LRIF1: variants seen among roughly 807,000 people sequenced by gnomAD.
The protein encoded by LRIF1 is ligand-dependent nuclear receptor-interacting factor 1.
LRIF1 carries 32 observed loss-of-function variants against 52.7 expected under a neutral mutation model. The ratio of observed to expected loss-of-function variants is 0.61; its 90% CI spans 0.46 to 0.82. LRIF1 has a LOEUF of 0.82. LRIF1 is among the 40% of genes least tolerant of loss of function. The probability of loss-of-function intolerance (pLI) is 0.00; values close to 1 mark genes in which losing one functional copy is unlikely to be tolerated. For missense variants in LRIF1, 887 were observed against 892.0 expected (o/e 0.99, Z 0.07); for synonymous variants, 323 against 317.4 (o/e 1.02, Z -0.19).
chr1:110,888,526 T>C, the LRIF1 span, among the ~76,000 whole-genome samples: 1 of 152,210 alleles, frequency 6.6e-6, no homozygotes, highest in Non-Finnish European at 1.5e-5. Flanking sequence ...ACCATTATTT[T>C]ATAGTCTACA....
chr1:110,909,767 G>A, the LRIF1 span, among the ~76,000 whole-genome samples: 103 of 151,936 alleles, frequency 6.8e-4, no homozygotes, highest in African/African-American at 2.4e-3. Flanking sequence ...TTTTAATAGT[G>A]ACGGGGTTTC....
At chr1:110,902,495 T>TAAAAAAAAAAAAA in the LRIF1 span, among the ~76,000 whole-genome samples, 53 of 72,618 alleles carry the variant, frequency 7.3e-4, no homozygotes, top group East Asian at 2.2e-3. Context: ...AATCAATCAC[T>TAAAAAAAAAAAAA]AAAAAAAAAA....
Position 110,947,776 on chromosome 1 carries a change from GTAAAT to G in LRIF1, c.*178_*182del. 1 of 685,084 alleles carries G rather than the reference GTAAAT, an allele frequency of 1.5e-6. No individual in the cohort carries two copies. The highest frequency in any genetic ancestry group is 2.2e-6 in the Non-Finnish European group (1 of 460,590). 42.4% of individuals were successfully genotyped at this position (685,084 alleles called of 1,614,324 possible). ...TAAGACAAAGGTATAGATACCCCATGTAAATTATTCACAAGTCATATGTGAATCAA... is the reference window on the plus strand; with the variant it reads ...TAAGACAAAGGTATAGATACCCCATGTATTCACAAGTCATATGTGAATCAA... On this transcript the variant is annotated 3_prime_UTR_variant, in exon 4 of 4. Transcript: ENST00000369763.
At chr1:110,924,260 G>A in the LRIF1 span, among the ~76,000 whole-genome samples, 1 of 152,018 alleles carries the variant, frequency 6.6e-6, no homozygotes, top group Non-Finnish European at 1.5e-5. Context: ...GTCCCAAATG[G>A]TTTCACTGGT....
the LRIF1 span, among the ~76,000 whole-genome samples, chr1:110,912,845 G>T: frequency 6.6e-6 from 1 of 151,978 alleles, no homozygotes. Context: ...AATTCACATG[G>T]GTCTAGAAAA....
chr1:110,946,066 A>C (rs145556335), downstream of LRIF1, among the ~76,000 whole-genome samples: 4 of 152,358 alleles, frequency 2.6e-5, no homozygotes, highest in Non-Finnish European at 5.9e-5. Flanking sequence ...CAGCAACATT[A>C]CTTGTAGCTG....
the LRIF1 span, among the ~76,000 whole-genome samples, chr1:110,936,032 A>G: frequency 6.6e-6 from 1 of 152,194 alleles, no homozygotes; most frequent in Non-Finnish European, 1.5e-5. Flanking sequence ...AGGCCAAGAG[A>G]GAGTGGCATG....
At chr1:110,875,784 T>C in the LRIF1 span, among the ~76,000 whole-genome samples, 3 of 152,144 alleles carry the variant, frequency 2.0e-5, no homozygotes, top group African/African-American at 7.2e-5. Flanking sequence ...AGGATTGAGC[T>C]GGAGGTTGGG....
At chr1:110,953,565 G>C (rs1658570591) in intron 1 of LRIF1, among the ~76,000 whole-genome samples, 2 of 152,008 alleles carry the variant, frequency 1.3e-5, no homozygotes, top group South Asian at 4.2e-4. Context: ...TTTTTTAACT[G>C]AATCAATTCT....
the LRIF1 span, among the ~76,000 whole-genome samples, chr1:110,883,081 C>A: frequency 6.6e-6 from 1 of 151,882 alleles, no homozygotes; most frequent in Admixed American, 6.6e-5. Context: ...CCTAGAAACT[C>A]CAGTACAATG....
chr1:110,896,984 T>C, the LRIF1 span, among the ~76,000 whole-genome samples: 2 of 152,186 alleles, frequency 1.3e-5, no homozygotes, highest in African/African-American at 2.4e-5. Flanking sequence ...ACAGTTACTT[T>C]TGTGTGAAAG....
At chr1:110,939,931 A>G in the LRIF1 span, 1 of 152,230 alleles carries the variant, frequency 6.6e-6, no homozygotes, top group South Asian at 2.1e-4. Context: ...CTGAGCAAAA[A>G]TTTCTTGAGT....
the LRIF1 span, among the ~76,000 whole-genome samples, chr1:110,879,363 T>C: frequency 6.6e-6 from 1 of 152,220 alleles, no homozygotes; most frequent in Admixed American, 6.5e-5. Flanking sequence ...TTCTGATAAG[T>C]AGCACTAACA....
chr1:110,946,651 C>CTTTTTTTTTTTT (rs1197301792), downstream of LRIF1, among the ~76,000 whole-genome samples: 1 of 80,878 alleles, frequency 1.2e-5, no homozygotes. Flanking sequence ...AGATTTGATC[C>CTTTTTTTTTTTT]TTTTTTTTTT....
At chr1:110,931,667 G>A in the LRIF1 span, among the ~76,000 whole-genome samples, 2 of 152,064 alleles carry the variant, frequency 1.3e-5, no homozygotes, top group Non-Finnish European at 2.9e-5. Flanking sequence ...ACTTTTAAAT[G>A]CTCGCCATTC....
At chr1:110,944,627 G>A (rs1044111463), downstream of LRIF1, 2 of 152,214 alleles carry the variant, frequency 1.3e-5, no homozygotes, top group Non-Finnish European at 2.9e-5. Flanking sequence ...AGGCAGAAGT[G>A]TGGTCTTTCA....
At chr1:110,885,288 C>T in the LRIF1 span, among the ~76,000 whole-genome samples, 148,763 of 152,284 alleles carry the variant, frequency 0.98, 72,762 homozygotes, top group East Asian at 1. Context: ...CGGTGGCTCA[C>T]GCCTGTAATC....
intron 1 of LRIF1, chr1:110,963,238 A>T (rs1194818752): frequency 6.3e-6 from 1 of 159,618 alleles, no homozygotes; most frequent in African/African-American, 2.4e-5. Flanking sequence ...GTCCAGCGCC[A>T]CCAGGGCTGC....
rs144995101 is a variant in LRIF1 at position 110,947,920 on chromosome 1, T to A, written c.*39A>T. On this transcript the variant is annotated 3_prime_UTR_variant, in exon 4 of 4. Transcript: ENST00000369763. ...AACTTATTAATGCTGAAGTATATTT[T>A]AAAAAACAGCTATTTCACTGAAGTC... 5.3e-3 allele frequency: 8,071 copies of A among 1,534,558 alleles called. 43 individuals are homozygous for A. Among genetic ancestry groups the A allele is most frequent in the Middle Eastern group, 6.6e-3 (37 of 5,634 alleles).
Sources: allele counts gnomAD v4.1 joint callset (sites outside exome capture counted in the v4.1 genomes callset), GRCh38; gene constraint gnomAD v4.1.1; transcripts MANE v1.5; gene names NCBI Gene and HGNC (gene_info 2026-07-23, HGNC 2026-07-21).